SPATS2L: variants seen among roughly 807,000 people sequenced by gnomAD.
The protein encoded by SPATS2L is spermatogenesis associated serine rich 2 like, also known as SPATS2-like protein.
A neutral mutation model predicts 59.6 loss-of-function variants in SPATS2L; 30 were observed. The observed-to-expected ratio is 0.50, with a 90% CI of 0.38 to 0.68. SPATS2L has a LOEUF of 0.68. Ranked by LOEUF, SPATS2L falls within the 30% of genes least tolerant of loss-of-function variation. SPATS2L has a pLI of 0.00. For missense variants in SPATS2L, 615 were observed against 700.0 expected (o/e 0.88, Z 1.37); for synonymous variants, 252 against 263.5 (o/e 0.96, Z 0.42).
intron 2 of SPATS2L, among the ~76,000 whole-genome samples, chr2:200,373,858 C>T (rs1194992773): frequency 6.6e-6 from 1 of 151,952 alleles, no homozygotes; most frequent in Non-Finnish European, 1.5e-5. Context: ...TTCAGTATTT[C>T]AAGAATAATA....
intron 2 of SPATS2L, among the ~76,000 whole-genome samples, chr2:200,386,888 A>G (rs944522960): frequency 1.1e-4 from 17 of 152,220 alleles, no homozygotes; most frequent in African/African-American, 3.9e-4. Flanking sequence ...ATTCATGTAT[A>G]TACAATGTAT....
intron 2 of SPATS2L, among the ~76,000 whole-genome samples, chr2:200,363,975 G>A (rs577352450): frequency 1.3e-5 from 2 of 152,278 alleles, no homozygotes; most frequent in South Asian, 4.1e-4. Flanking sequence ...GCCCCCAAGG[G>A]TATGAAAATT....
In SPATS2L at chr2:200,347,617, A is replaced by G. The variant is rs140393629; in HGVS notation, c.-23+18137A>G. 6.6e-3 allele frequency among the ~76,000 whole-genome samples: 999 copies of G among 152,314 alleles called. 8 individuals are homozygous for G. Among genetic ancestry groups the G allele is most frequent in the Admixed American group, 0.016 (238 of 15,286 alleles). On this transcript the variant is annotated intron_variant, in intron 2 of 12. Transcript: ENST00000409140. Reference sequence around the variant, plus strand: ...CCGATGGATCCATCCTGGTCATATAACAACCCCAGGGCTCAGGTTGGAGGC... The same window carrying G: ...CCGATGGATCCATCCTGGTCATATAGCAACCCCAGGGCTCAGGTTGGAGGC...
intron 12 of SPATS2L, among the ~76,000 whole-genome samples, chr2:200,474,289 A>T (rs987342957): frequency 6.6e-6 from 1 of 152,090 alleles, no homozygotes; most frequent in Admixed American, 6.5e-5. Flanking sequence ...TTAGTTAAAG[A>T]TCATAATCAA....
chr2:200,381,339 C>A (rs2081804101), intron 2 of SPATS2L, among the ~76,000 whole-genome samples: 1 of 152,176 alleles, frequency 6.6e-6, no homozygotes, highest in Admixed American at 6.5e-5. Flanking sequence ...AGTGCCTGTA[C>A]AAACCTGTAG....
rs1459045168 is a variant in SPATS2L, at chr2:200,481,934, C to T, written c.*3903C>T. On this transcript the variant is annotated 3_prime_UTR_variant, in exon 13 of 13. Coordinates refer to ENST00000409140, the MANE Select transcript of SPATS2L (RefSeq NM_001100423.2). ...TGACCTCGTGATCCACCCCCCTCGG[C>T]CTCCCAAAGTGCTGGGATTACAGGG... 5 of 152,290 alleles carry T rather than the reference C, an allele frequency of 3.3e-5. No individual in the cohort carries two copies. Among genetic ancestry groups the T allele is most frequent in the African/African-American group, 1.2e-4 (5 of 41,470 alleles). The allele number at this position is 152,290 out of a possible 1,614,324, so 9.4% of individuals were successfully genotyped here.
At chr2:200,406,406 GT>G (rs199946026) in intron 3 of SPATS2L, among the ~76,000 whole-genome samples, 3 of 133,756 alleles carry the variant, frequency 2.2e-5, no homozygotes, top group African/African-American at 9.0e-5. Context: ...ACTAGCACAA[GT>G]TTAAAAAAAA....
rs188634900 is a variant in SPATS2L at position 200,443,039 on chromosome 2, T to C, written c.788+2255T>C. Among the ~76,000 whole-genome samples the C allele has an allele frequency of 1.3e-3, 202 of 152,316 alleles. 1 individual carries two copies. The highest frequency in any genetic ancestry group is 2.4e-3 in the Non-Finnish European group (166 of 68,024). On this transcript the variant is annotated intron_variant, in intron 8 of 12. Coordinates refer to ENST00000409140, the MANE Select transcript of SPATS2L (RefSeq NM_001100423.2). The stretch of plus-strand genomic sequence containing the variant: ...AAAATGAGTAAACAGCACCACTTAT[T>C]TTCTGATCTAATCCTTAATAAAAGT...
intron 2 of SPATS2L, among the ~76,000 whole-genome samples, chr2:200,355,877 A>G (rs377199144): frequency 6.6e-6 from 1 of 152,236 alleles, no homozygotes; most frequent in African/African-American, 2.4e-5. Flanking sequence ...GTCTTATTTC[A>G]TAAGGAAATA....
At chr2:200,355,205 A>G (rs1308294418) in intron 2 of SPATS2L, among the ~76,000 whole-genome samples, 5 of 152,174 alleles carry the variant, frequency 3.3e-5, no homozygotes, top group Non-Finnish European at 1.5e-5. Context: ...GCCTGTGGAA[A>G]AACTTGGCCC....
intron 8 of SPATS2L, among the ~76,000 whole-genome samples, chr2:200,443,876 G>A (rs973853076): frequency 1.3e-5 from 2 of 152,158 alleles, no homozygotes; most frequent in African/African-American, 2.4e-5. Context: ...CAACCGGGCT[G>A]TGAAGAATAC....
At chr2:200,413,243 CTT>C (rs2082946354) in intron 4 of SPATS2L, among the ~76,000 whole-genome samples, 4 of 152,112 alleles carry the variant, frequency 2.6e-5, no homozygotes, top group Non-Finnish European at 5.9e-5. Flanking sequence ...TCTTTAATAT[CTT>C]TAGTTTATGA....
chr2:200,474,345 CT>C (rs200660291), intron 12 of SPATS2L, among the ~76,000 whole-genome samples: 44 of 149,030 alleles, frequency 3.0e-4, no homozygotes, highest in South Asian at 1.7e-3. Context: ...AGTTTTTGTT[CT>C]TTTTTTTTTC....
At chr2:200,323,906 C>G (rs2079644733) in intron 1 of SPATS2L, among the ~76,000 whole-genome samples, 1 of 152,086 alleles carries the variant, frequency 6.6e-6, no homozygotes, top group South Asian at 2.1e-4. Context: ...AATGCAAGTG[C>G]TGGAGGGGAC....
intron 2 of SPATS2L, among the ~76,000 whole-genome samples, chr2:200,332,509 A>G (rs2105798601): frequency 6.6e-6 from 1 of 152,314 alleles, no homozygotes; most frequent in East Asian, 1.9e-4. Flanking sequence ...GGTCTCCCAC[A>G]GTGGTGGGAT....
chr2:200,430,668 A>G (rs940005003), intron 6 of SPATS2L, among the ~76,000 whole-genome samples: 1 of 150,516 alleles, frequency 6.6e-6, no homozygotes, highest in African/African-American at 2.5e-5. Context: ...TGAATGTGCC[A>G]TATTTCTTTT....
At chr2:200,391,311 A>G (rs2082166914) in intron 3 of SPATS2L, among the ~76,000 whole-genome samples, 1 of 152,250 alleles carries the variant, frequency 6.6e-6, no homozygotes, top group Non-Finnish European at 1.5e-5. Flanking sequence ...GTAGTTGAAG[A>G]ACCTTGTTAC....
intron 1 of SPATS2L, among the ~76,000 whole-genome samples, chr2:200,327,743 C>A (rs1377901188): frequency 6.6e-6 from 1 of 152,162 alleles, no homozygotes; most frequent in African/African-American, 2.4e-5. Flanking sequence ...TAAATTATTA[C>A]CCTCCAAGGA....
intron 2 of SPATS2L, chr2:200,384,027 T>G (rs1169696395): frequency 1.0e-6 from 1 of 999,750 alleles, no homozygotes; most frequent in African/African-American, 1.7e-5. Context: ...GGTCAGTACA[T>G]TGATAGAACT....
Sources: allele counts gnomAD v4.1 joint callset (sites outside exome capture counted in the v4.1 genomes callset), GRCh38; gene constraint gnomAD v4.1.1; transcripts MANE v1.5; gene names NCBI Gene and HGNC (gene_info 2026-07-23, HGNC 2026-07-21).